The following LIPF variants were observed in gnomAD, a reference collection of about 807,000 sequenced individuals.
The protein encoded by LIPF is lipase F, gastric type.
Under a neutral mutation model 38.0 loss-of-function variants are expected in LIPF, and 25 were observed. That is an observed-to-expected ratio of 0.66 (90% CI 0.48 to 0.92). LIPF has a LOEUF of 0.92. LIPF is among the 40% of genes least tolerant of loss of function. The probability of loss-of-function intolerance (pLI) is 0.00; values close to 1 mark genes in which losing one functional copy is unlikely to be tolerated. For synonymous variants in LIPF, 161 were observed against 156.2 expected (o/e 1.03, Z -0.23); for missense variants, 410 against 469.9 (o/e 0.87, Z 1.18).
chr10:88,675,546 T>TCTTAC (rs1442154795), intron 7 of LIPF, 40 bp from the exon 8 acceptor site: 26 of 1,391,844 alleles, frequency 1.9e-5, no homozygotes, highest in Non-Finnish European at 2.7e-5. Context: ...TGAGTATGTG[T>TCTTAC]CTTAGTATGT....
chr10:88,670,376 A>C (rs1841576345), intron 5 of LIPF, among the ~76,000 whole-genome samples: 1 of 152,224 alleles, frequency 6.6e-6, no homozygotes, highest in Non-Finnish European at 1.5e-5. Context: ...AAAGGTTAAA[A>C]AGTAAAATGT....
chr10:88,673,443 A>C, intron 6 of LIPF, 145 bp from the exon 7 acceptor site: 2 of 683,354 alleles, frequency 2.9e-6, no homozygotes, highest in Non-Finnish European at 5.0e-6. Context: ...AACTAAATGA[A>C]AGTATTGGAA....
intron 7 of LIPF, among the ~76,000 whole-genome samples, chr10:88,674,235 C>A (rs1194600206): frequency 1.3e-5 from 2 of 152,128 alleles, no homozygotes; most frequent in Non-Finnish European, 2.9e-5. Context: ...GTGGCGCAAT[C>A]TCGGCTCATA....
In LIPF at chr10:88,667,285, A is replaced by C; in HGVS notation, c.-11-2A>C. 6.5e-7 allele frequency: 1 copy of C among 1,549,806 alleles called. No homozygotes were observed. The highest frequency in any genetic ancestry group is 2.2e-5 in the East Asian group (1 of 44,500). On this transcript the variant is annotated splice_acceptor_variant, in intron 1 of 9. Transcript: ENST00000238983. LOFTEE classifies it low-confidence loss of function (5UTR_SPLICE). ...ATGGCACGGGTTATTCTTTTCTTTCAGGCAGGTCCAAAATGTGGCTGCTTT... is the reference window on the plus strand; with the variant it reads ...ATGGCACGGGTTATTCTTTTCTTTCCGGCAGGTCCAAAATGTGGCTGCTTT...
Position 88,669,944 on chromosome 10 carries a change from TTGGTAAGTAA to T in LIPF, c.532+2_532+11del. On this transcript the variant is annotated splice_donor_variant and splice_donor_5th_base_variant and coding_sequence_variant and intron_variant, in exon 5 of 10. Transcript: ENST00000238983. LOFTEE classifies it high-confidence loss of function. The stretch of plus-strand genomic sequence containing the variant: ...GTTGGCCATTCCCAGGGCACCACCA[TTGGTAAGTAA>T]TGGCAGTCAAGGCCAAGTGGTTTAC... 1 of 1,602,230 alleles carries T rather than the reference TTGGTAAGTAA, an allele frequency of 6.2e-7. No homozygotes were observed. The highest frequency in any genetic ancestry group is 8.5e-7 in the Non-Finnish European group (1 of 1,170,382).
At chr10:88,668,844 T>A in intron 4 of LIPF, 88 bp downstream of exon 4, 1 of 1,068,414 alleles carries the variant, frequency 9.4e-7, no homozygotes, top group Non-Finnish European at 1.4e-6. Flanking sequence ...TTTAACAAAT[T>A]ACACTCCAAG....
At chr10:88,669,692 T>C in intron 4 of LIPF, 145 bp from the exon 5 acceptor site, 1 of 538,312 alleles carries the variant, frequency 1.9e-6, no homozygotes, top group Non-Finnish European at 3.3e-6. Flanking sequence ...AAAGGGCACC[T>C]GACATCCACT....
intron 7 of LIPF, 110 bp from the exon 8 acceptor site, chr10:88,675,476 G>C: frequency 2.5e-6 from 2 of 803,584 alleles, no homozygotes; most frequent in Non-Finnish European, 4.1e-6. Context: ...TCCAGTAAAT[G>C]CTACCTTTAA....
At chr10:88,673,459 T>G in intron 6 of LIPF, 129 bp from the exon 7 acceptor site, 1 of 786,506 alleles carries the variant, frequency 1.3e-6, no homozygotes, top group East Asian at 2.6e-5. Flanking sequence ...TGGAAATTCC[T>G]AAAACAACAT....
chr10:88,671,163 C>G (rs1013456284), intron 5 of LIPF, among the ~76,000 whole-genome samples: 2 of 152,092 alleles, frequency 1.3e-5, no homozygotes, highest in African/African-American at 4.8e-5. Flanking sequence ...AATGTATTTA[C>G]TATGTATAGA....
chr10:88,668,727 A>G lies in LIPF; in HGVS notation c.393A>G (p.Ser131=). 1 of 1,614,056 alleles carries G rather than the reference A, an allele frequency of 6.2e-7. No individual in the cohort carries two copies. The highest frequency in any genetic ancestry group is 8.5e-7 in the Non-Finnish European group (1 of 1,179,922). The change falls in exon 4 of 10, where the codon TCA becomes TCG. Residue 131 remains serine (S), a synonymous_variant. Coordinates refer to ENST00000238983, the MANE Select transcript of LIPF (RefSeq NM_004190.4). ...NTWARRNLYY[S]PDSVEFWAFS... is the part of the protein sequence containing the mutation. The stretch of plus-strand genomic sequence containing the variant: ...GGGCCAGAAGAAACTTGTACTATTC[A>G]CCAGATTCAGTTGAATTCTGGGCTT...
At chr10:88,665,484 G>A in intron 1 of LIPF, 2 of 1,435,828 alleles carry the variant, frequency 1.4e-6, no homozygotes, top group East Asian at 2.5e-5. Flanking sequence ...CCTAGGACTT[G>A]GCAACAAGCA....
intron 9 of LIPF, among the ~76,000 whole-genome samples, chr10:88,677,833 G>A (rs17333963): frequency 8.9e-4 from 136 of 152,206 alleles, no homozygotes; most frequent in African/African-American, 3.1e-3. Context: ...ACAGGACATG[G>A]GGATGATAAT....
rs1346324604 is a variant in LIPF at position 88,671,926 on chromosome 10, T to C, written c.630T>C (p.Leu210=). 7.4e-6 allele frequency: 12 copies of C among 1,613,146 alleles called. No individual in the cohort carries two copies. Among genetic ancestry groups the C allele is most frequent in the Non-Finnish European group, 1.0e-5 (12 of 1,179,486 alleles). Residue 210 remains leucine, a synonymous_variant, in exon 6 of 10, where the codon CTT becomes CTC. Transcript: ENST00000238983. ...CCACTGTGAAGTATACAAAAAGCCT[T>C]ATAAACAAACTTAGATTTGTTCCTC... The part of the protein sequence containing the change: ...PVATVKYTKS[L]INKLRFVPQS...
chr10:88,667,371 A>T lies in LIPF; in HGVS notation c.74A>T (p.His25Leu), dbSNP rs772302297. The T allele has an allele frequency of 6.2e-7, 1 of 1,610,046 alleles. No individual in the cohort carries two copies. ...GTTHGLFGKL[H>L]PGSPEVTMNI... ...ACACATGGTTTGTTTGGAAAATTAC[A>T]TCCTGGAAGCCCTGAAGTGACTATG... is the stretch of plus-strand genomic sequence containing the variant. Residue 25 changes from histidine to leucine, a missense_variant, in exon 2 of 10, where the codon CAT becomes CTT. His to Leu is a moderately conservative substitution (Grantham distance 99). Transcript: ENST00000238983.
intron 5 of LIPF, 132 bp from the exon 6 acceptor site, chr10:88,671,697 T>C (rs977104613): frequency 4.3e-5 from 52 of 1,216,410 alleles, no homozygotes; most frequent in Non-Finnish European, 5.6e-5. Flanking sequence ...CCAGCAGAGA[T>C]GCCAATTTCT....
chr10:88,666,795 T>C (rs1317587618), intron 1 of LIPF, among the ~76,000 whole-genome samples: 2 of 152,192 alleles, frequency 1.3e-5, no homozygotes, highest in South Asian at 2.1e-4. Context: ...TAAATGTTTA[T>C]GGAATAACTA....
At chr10:88,665,677 A>G in intron 1 of LIPF, 1 of 681,166 alleles carries the variant, frequency 1.5e-6, no homozygotes, top group Admixed American at 2.3e-5. Flanking sequence ...GTTAGTCTTT[A>G]TATATTAGTT....
At chr10:88,675,094 C>T (rs894421156) in intron 7 of LIPF, among the ~76,000 whole-genome samples, 3 of 152,218 alleles carry the variant, frequency 2.0e-5, no homozygotes, top group Non-Finnish European at 4.4e-5. Flanking sequence ...TGGCCACAGT[C>T]CGCTATATTA....
Sources: allele counts gnomAD v4.1 joint callset (sites outside exome capture counted in the v4.1 genomes callset), GRCh38; gene constraint gnomAD v4.1.1; transcripts MANE v1.5; gene names NCBI Gene and HGNC (gene_info 2026-07-23, HGNC 2026-07-21).